LNX1: variants seen among roughly 807,000 people sequenced by gnomAD.
LNX1 encodes the protein ligand of numb-protein X 1, also known as E3 ubiquitin-protein ligase LNX.
Under a neutral mutation model 68.4 loss-of-function variants are expected in LNX1, and 54 were observed. The observed-to-expected ratio is 0.79, with a 90% CI of 0.63 to 0.99. The LOEUF is 0.99. LNX1 is among the 50% of genes least tolerant of loss of function. The pLI is 0.00. For synonymous variants in LNX1, 336 were observed against 350.0 expected, an observed-to-expected ratio of 0.96 and a Z score of 0.45; for missense variants, 906 against 926.4, an observed-to-expected ratio of 0.98 and a Z score of 0.29.
At chr4:53,468,920 A>T (rs377037461) in intron 9 of LNX1, among the ~76,000 whole-genome samples, 1 of 152,214 alleles carries the variant, frequency 6.6e-6, no homozygotes, top group South Asian at 2.1e-4. Context: ...TGTCAACATT[A>T]GACAGATCAA....
chr4:53,607,048 A>G (rs1395251034), intron 2 of LNX1, among the ~76,000 whole-genome samples: 1 of 152,226 alleles, frequency 6.6e-6, no homozygotes, highest in African/African-American at 2.4e-5. Context: ...AAACCTGCAC[A>G]AGACAAGGAT....
intron 2 of LNX1, among the ~76,000 whole-genome samples, chr4:53,561,056 C>A (rs1730253922): frequency 6.6e-6 from 1 of 152,102 alleles, no homozygotes; most frequent in Non-Finnish European, 1.5e-5. Context: ...TGCTTCTTTT[C>A]TTTTCACTAA....
rs1285770664 is a variant in LNX1 at position 53,569,536 on chromosome 4, G to A, written c.380+4087C>T. Among the ~76,000 whole-genome samples the A allele has an allele frequency of 4.8e-4, 65 of 134,072 alleles. No individual in the cohort carries two copies. The South Asian group carries it at 8.5e-3, about 18-fold the overall frequency. 88.0% of individuals were successfully genotyped at this position (134,072 alleles called of 152,430 possible). A position where few individuals can be genotyped will look rare whatever the true frequency, so the allele number is the denominator to read the frequency against. On this transcript the variant is annotated intron_variant, in intron 2 of 10. Coordinates refer to ENST00000263925, the MANE Select transcript of LNX1 (RefSeq NM_001126328.3). ...TTCAAGATGGATTAAAGACTTAAAC[G>A]TTAGACCTAAAACCATAAAAACCCT...
intron 1 of LNX1, among the ~76,000 whole-genome samples, chr4:53,616,892 T>C (rs1188075655): frequency 3.3e-5 from 5 of 152,214 alleles, no homozygotes; most frequent in Non-Finnish European, 5.9e-5. Flanking sequence ...GTGTGGTTAC[T>C]GATGTTTAAA....
At chr4:53,556,145 A>G (rs1335164684) in intron 2 of LNX1, among the ~76,000 whole-genome samples, 1 of 152,162 alleles carries the variant, frequency 6.6e-6, no homozygotes, top group East Asian at 1.9e-4. Context: ...AAATCCAGTG[A>G]TAAGTTTCCT....
intron 2 of LNX1, among the ~76,000 whole-genome samples, chr4:53,511,419 T>G (rs2109532846): frequency 6.6e-6 from 1 of 152,280 alleles, no homozygotes; most frequent in South Asian, 2.1e-4. Flanking sequence ...TATGCTTCCT[T>G]TCAGTTACTC....
At chr4:53,491,077 A>G (rs1255700578) in intron 6 of LNX1, among the ~76,000 whole-genome samples, 2 of 152,204 alleles carry the variant, frequency 1.3e-5, no homozygotes, top group Admixed American at 6.5e-5. Flanking sequence ...TAATCTACAA[A>G]AGCAAAATGC....
At chr4:53,545,712 G>C (rs542321809) in intron 2 of LNX1, among the ~76,000 whole-genome samples, 1 of 152,094 alleles carries the variant, frequency 6.6e-6, no homozygotes, top group East Asian at 1.9e-4. Flanking sequence ...CTGATTTAAG[G>C]ATGAGAGGCT....
At chr4:53,492,647 GCT>G (rs963591562) in intron 6 of LNX1, among the ~76,000 whole-genome samples, 1 of 151,954 alleles carries the variant, frequency 6.6e-6, no homozygotes, top group Non-Finnish European at 1.5e-5. Context: ...CAGCAAAGAG[GCT>G]CCAGCCGTCA....
At chr4:53,511,058 G>A (rs562651164) in intron 2 of LNX1, among the ~76,000 whole-genome samples, 2 of 152,338 alleles carry the variant, frequency 1.3e-5, no homozygotes, top group African/African-American at 4.8e-5. Context: ...TAGGTAAGTA[G>A]CCTTTCCTTT....
intron 1 of LNX1, among the ~76,000 whole-genome samples, chr4:53,635,940 G>A (rs540587465): frequency 6.6e-6 from 1 of 152,300 alleles, no homozygotes; most frequent in African/African-American, 2.4e-5. Context: ...AGCAGTGTGG[G>A]CTGATACGGC....
In LNX1 at chr4:53,650,657, A is replaced by T. The variant is rs534234512; in HGVS notation, c.-215+1511T>A. ...TCTGTCTAGCTCTTTTCACCGTTCTATACTACCGCCCTACATATAGGGCCT... is the reference window on the plus strand; with the variant it reads ...TCTGTCTAGCTCTTTTCACCGTTCTTTACTACCGCCCTACATATAGGGCCT... On this transcript the variant is annotated intron_variant, in intron 1 of 2. Transcript: ENST00000507168. Among the ~76,000 whole-genome samples the T allele has an allele frequency of 1.6e-4, 25 of 152,246 alleles. 1 individual carries two copies. The highest frequency in any genetic ancestry group is 5.5e-4 in the African/African-American group (23 of 41,532).
Position 53,528,126 on chromosome 4 carries a change from C to T in LNX1, c.381-19899G>A, listed in dbSNP as rs79626532. Among the ~76,000 whole-genome samples, 469 of 152,250 alleles carry T rather than the reference C, an allele frequency of 3.1e-3. 5 individuals carry two copies. Among genetic ancestry groups the T allele is most frequent in the African/African-American group, 0.011 (454 of 41,566 alleles). On this transcript the variant is annotated intron_variant, in intron 2 of 10. Transcript: ENST00000263925. The stretch of plus-strand genomic sequence containing the variant: ...AGGTTGTTGCCTAATCCTTTGTGTC[C>T]GCTCAGCGTATTTTCCCTTTGAAAA...
At chr4:53,599,308 G>A (rs1035853787) in intron 2 of LNX1, among the ~76,000 whole-genome samples, 2 of 152,154 alleles carry the variant, frequency 1.3e-5, no homozygotes, top group African/African-American at 4.8e-5. Context: ...AAACCAAGAT[G>A]GCTATGTGAG....
chr4:53,548,521 A>G (rs1729268337), intron 2 of LNX1, among the ~76,000 whole-genome samples: 1 of 152,136 alleles, frequency 6.6e-6, no homozygotes, highest in Admixed American at 6.5e-5. Flanking sequence ...CCCTGTGGAG[A>G]TATTTCTCCA....
At chr4:53,562,590 G>A (rs1730364463) in intron 2 of LNX1, among the ~76,000 whole-genome samples, 1 of 152,186 alleles carries the variant, frequency 6.6e-6, no homozygotes, top group Admixed American at 6.5e-5. Flanking sequence ...GAGAAAACAG[G>A]CACCAGCTGT....
intron 6 of LNX1, among the ~76,000 whole-genome samples, chr4:53,487,844 G>C (rs891300661): frequency 6.6e-6 from 1 of 152,074 alleles, no homozygotes; most frequent in African/African-American, 2.4e-5. Context: ...TTCCTCATTG[G>C]TTTCTTTTCC....
At chr4:53,477,585 G>A (rs1723647874) in intron 8 of LNX1, among the ~76,000 whole-genome samples, 1 of 152,120 alleles carries the variant, frequency 6.6e-6, no homozygotes. Flanking sequence ...CTTATGTTCT[G>A]TTAACAAGTC....
At chr4:53,579,151 A>C in intron 1 of LNX1, 2 of 422,872 alleles carry the variant, frequency 4.7e-6, no homozygotes, top group Non-Finnish European at 6.3e-6. Flanking sequence ...AGCCATCAGC[A>C]TCTCTGGCCC....
Sources: allele counts gnomAD v4.1 joint callset (sites outside exome capture counted in the v4.1 genomes callset), GRCh38; gene constraint gnomAD v4.1.1; transcripts MANE v1.5; gene names NCBI Gene and HGNC (gene_info 2026-07-23, HGNC 2026-07-21).